The following KATNBL1 variants were observed in gnomAD, a reference collection of about 807,000 sequenced individuals.
KATNBL1 encodes the protein katanin regulatory subunit B1 like 1.
A neutral mutation model predicts 44.7 loss-of-function variants in KATNBL1; 28 were observed. That is an observed-to-expected ratio of 0.63 (90% confidence interval 0.46 to 0.86). The LOEUF is 0.86. Among genes scored for constraint, KATNBL1 ranks in the 40% least tolerant of loss-of-function variants. The pLI, the probability that KATNBL1 is intolerant of heterozygous loss-of-function variation, is 0.00. For synonymous variants in KATNBL1, 78 were observed against 114.9 expected, an observed-to-expected ratio of 0.68 and a Z score of 2.06; for missense variants, 272 against 350.7, an observed-to-expected ratio of 0.78 and a Z score of 1.79.
At position 34,153,079 on chromosome 15, in the gene KATNBL1, GAATT is replaced by G; in HGVS notation, c.159-14_159-11del. 6.4e-7 allele frequency: 1 copy of G among 1,563,902 alleles called. No individual in the cohort carries two copies. The highest frequency in any genetic ancestry group is 8.6e-7 in the Non-Finnish European group (1 of 1,156,880). On this transcript the variant is annotated splice_polypyrimidine_tract_variant and intron_variant, in intron 3 of 9. Coordinates refer to ENST00000256544, the MANE Select transcript of KATNBL1 (RefSeq NM_024713.3). ...AGTTTGTCCAACTGTTCTGTAAAAA[GAATT>G]TATTTTCTTAAATGAAAAAGAACCA...
intron 1 of KATNBL1, among the ~76,000 whole-genome samples, chr15:34,181,480 T>C (rs1008244804): frequency 2.0e-5 from 3 of 150,902 alleles, no homozygotes; most frequent in Non-Finnish European, 4.4e-5. Flanking sequence ...ATTAGAGACA[T>C]TACTATTAAA....
In KATNBL1 at chr15:34,171,338, CTCA is replaced by C. The variant is rs548574494; in HGVS notation, c.-14-7651_-14-7649del. ...CAGCCAACAGACATATGAAAAAATGCTCATCATCACTGGTCATCAGAGAAATGC... is the reference window on the plus strand; with the variant it reads ...CAGCCAACAGACATATGAAAAAATGCTCATCACTGGTCATCAGAGAAATGC... On this transcript the variant is annotated intron_variant, in intron 1 of 9. Coordinates refer to ENST00000256544, the MANE Select transcript of KATNBL1 (RefSeq NM_024713.3). Among the ~76,000 whole-genome samples the C allele has an allele frequency of 4.6e-3, 701 of 152,286 alleles. 5 individuals are homozygous for C. The highest frequency in any genetic ancestry group is 0.016 in the African/African-American group (658 of 41,544).
rs1031863750 is a variant in KATNBL1, at chr15:34,141,367, A to T, written c.*972T>A. 1 of 152,648 alleles carries T rather than the reference A, an allele frequency of 6.6e-6. No individual in the cohort carries two copies. Among genetic ancestry groups the T allele is most frequent in the African/African-American group, 2.4e-5 (1 of 41,466 alleles). The allele number at this position is 152,648 out of a possible 1,614,324, so 9.5% of individuals were successfully genotyped here. A position where few individuals can be genotyped will look rare whatever the true frequency, so the allele number is the denominator to read the frequency against. On this transcript the variant is annotated 3_prime_UTR_variant, in exon 10 of 10. Coordinates refer to ENST00000256544, the MANE Select transcript of KATNBL1 (RefSeq NM_024713.3). ...ATGTAGTGAAAAAGAATTAGAATTC[A>T]TATAAAATCAGAATTTAAAAAAGCA...
intron 1 of KATNBL1, among the ~76,000 whole-genome samples, chr15:34,169,952 G>A (rs1319469191): frequency 6.6e-6 from 1 of 152,102 alleles, no homozygotes; most frequent in Admixed American, 6.6e-5. Context: ...AATAATAAGA[G>A]CTATTTATGA....
intron 1 of KATNBL1, among the ~76,000 whole-genome samples, chr15:34,204,996 T>G (rs914702868): frequency 3.2e-4 from 49 of 151,826 alleles, no homozygotes; most frequent in Non-Finnish European, 6.0e-4. Flanking sequence ...ACAGTTTTTT[T>G]TTTTTTTTTT....
At chr15:34,207,358 G>A (rs974853862) in intron 1 of KATNBL1, among the ~76,000 whole-genome samples, 3 of 152,040 alleles carry the variant, frequency 2.0e-5, no homozygotes, top group South Asian at 2.1e-4. Context: ...ACAGGCGTGT[G>A]ACACCACGCC....
In KATNBL1 at chr15:34,210,062, A is replaced by C. The variant is rs1252122857; in HGVS notation, c.-126T>G. On this transcript the variant is annotated 5_prime_UTR_variant, in exon 1 of 10. Transcript: ENST00000256544. ...GGCCGAGTCCCACTCAGGGCCATTCAAACGCGGCCGCGCGCGCGGCCCGCC... is the reference window on the plus strand; with the variant it reads ...GGCCGAGTCCCACTCAGGGCCATTCCAACGCGGCCGCGCGCGCGGCCCGCC... 6.7e-6 allele frequency: 1 copy of C among 149,474 alleles called. No individual in the cohort carries two copies. The highest frequency in any genetic ancestry group is 1.5e-5 in the Non-Finnish European group (1 of 67,354). The allele number at this position is 149,474 out of a possible 1,614,324, so 9.3% of individuals were successfully genotyped here.
intron 9 of KATNBL1, chr15:34,142,873 G>A (rs999708523): frequency 3.0e-5 from 10 of 335,830 alleles, no homozygotes; most frequent in Admixed American, 8.3e-5. Context: ...CACCACGCCC[G>A]GCTAATTTTT....
At chr15:34,193,593 T>C (rs1023367111) in intron 1 of KATNBL1, among the ~76,000 whole-genome samples, 4 of 152,058 alleles carry the variant, frequency 2.6e-5, no homozygotes, top group Admixed American at 6.6e-5. Flanking sequence ...AACTCATTCC[T>C]GTAATCCTAG....
intron 9 of KATNBL1, among the ~76,000 whole-genome samples, chr15:34,144,726 A>G (rs1888258580): frequency 6.6e-6 from 1 of 151,928 alleles, no homozygotes; most frequent in South Asian, 2.1e-4. Flanking sequence ...ACGTGCCATC[A>G]CACCCAGGTA....
At chr15:34,200,919 C>T (rs1890162915) in intron 1 of KATNBL1, among the ~76,000 whole-genome samples, 2 of 151,446 alleles carry the variant, frequency 1.3e-5, no homozygotes, top group African/African-American at 2.4e-5. Context: ...CAGGTTCAAG[C>T]GATTCCCCTG....
intron 1 of KATNBL1, among the ~76,000 whole-genome samples, chr15:34,176,709 G>A (rs1303962292): frequency 6.6e-6 from 1 of 152,044 alleles, no homozygotes; most frequent in Non-Finnish European, 1.5e-5. Context: ...ATTTAAGACA[G>A]GTGAATTTTA....
intron 1 of KATNBL1, among the ~76,000 whole-genome samples, chr15:34,174,290 T>C (rs1889256939): frequency 6.6e-6 from 1 of 152,138 alleles, no homozygotes; most frequent in African/African-American, 2.4e-5. Flanking sequence ...ACTAGAGCTA[T>C]CACTGAATTA....
At chr15:34,191,908 C>A (rs996276076) in intron 1 of KATNBL1, among the ~76,000 whole-genome samples, 3 of 146,172 alleles carry the variant, frequency 2.1e-5, no homozygotes, top group Non-Finnish European at 4.5e-5. Flanking sequence ...GATTGCACCA[C>A]TACACTCCAG....
intron 1 of KATNBL1, among the ~76,000 whole-genome samples, chr15:34,181,714 A>ATC (rs1889551113): frequency 1.0e-4 from 1 of 9,834 alleles, no homozygotes; most frequent in Non-Finnish European, 2.1e-4. Flanking sequence ...ATATATATGG[A>ATC]CATATATATG....
rs1889879768 is a variant in KATNBL1 at position 34,191,758 on chromosome 15, T to G, written c.-15+18193A>C. Reference sequence around the variant, plus strand: ...GTCAGGAGATCAAGACCATCCTGGCTAACACGGTGAAACCCCGTTTCTATT... The same window carrying G: ...GTCAGGAGATCAAGACCATCCTGGCGAACACGGTGAAACCCCGTTTCTATT... On this transcript the variant is annotated intron_variant, in intron 1 of 9. Coordinates refer to ENST00000256544, the MANE Select transcript of KATNBL1 (RefSeq NM_024713.3). Among the ~76,000 whole-genome samples the G allele has an allele frequency of 2.0e-5, 3 of 151,820 alleles. No individual in the cohort carries two copies. The South Asian group carries it at 6.2e-4, about 32-fold the overall frequency.
chr15:34,179,166 C>T (rs1256508362), intron 1 of KATNBL1, among the ~76,000 whole-genome samples: 1 of 152,146 alleles, frequency 6.6e-6, no homozygotes, highest in African/African-American at 2.4e-5. Flanking sequence ...TTATAAAGAA[C>T]AGAGGTTTAT....
At chr15:34,200,335 C>G (rs1038840574) in intron 1 of KATNBL1, among the ~76,000 whole-genome samples, 5 of 151,998 alleles carry the variant, frequency 3.3e-5, no homozygotes, top group Non-Finnish European at 7.4e-5. Context: ...TCACTGCAAC[C>G]TTCGCCTCCC....
At position 34,193,851 on chromosome 15, in the gene KATNBL1, CAAAAAAAAAAAA is replaced by C. The variant is rs58951561; in HGVS notation, c.-15+16088_-15+16099del. 3.8e-4 allele frequency among the ~76,000 whole-genome samples: 24 copies of C among 63,564 alleles called. 1 individual carries two copies. In the East Asian group the frequency reaches 0.013, roughly 34 times the overall value. The allele number at this position is 63,564 out of a possible 152,430, so 41.7% of individuals were successfully genotyped here. On this transcript the variant is annotated intron_variant, in intron 1 of 9. Transcript: ENST00000256544. ...TGGGTGACAGAGAAAGGCCCTGTCT[CAAAAAAAAAAAA>C]AAAAAAAAAAAAAAAAATCACCAGC... is the stretch of plus-strand genomic sequence containing the variant.
Sources: gnomAD v4.1 joint callset for allele counts (sites outside exome capture counted in the v4.1 genomes callset) on GRCh38, gnomAD v4.1.1 for gene constraint, MANE v1.5 for transcripts, NCBI Gene and HGNC (gene_info 2026-07-23, HGNC 2026-07-21) for gene names.